The following TRMT44 variants were observed in gnomAD, a reference collection of about 807,000 sequenced individuals.
TRMT44 encodes the protein probable tRNA (uracil-O(2)-)-methyltransferase.
In TRMT44, 78 loss-of-function variants were observed where a neutral mutation model predicts 77.3. The observed-to-expected ratio is 1.01, with a 90% CI of 0.84 to 1.22. The LOEUF (loss-of-function observed/expected upper bound fraction) is 1.22. TRMT44 is among the 50% of genes most tolerant of loss of function. TRMT44 has a pLI of 0.00. For missense variants in TRMT44, 1,090 were observed against 964.4 expected (o/e 1.13, Z -1.73); for synonymous variants, 391 against 383.3 (o/e 1.02, Z -0.23).
chr4:8,515,936 G>A, the TRMT44 span, among the ~76,000 whole-genome samples: 6 of 152,140 alleles, frequency 3.9e-5, no homozygotes, highest in Non-Finnish European at 8.8e-5. Flanking sequence ...GGAAGAGCTC[G>A]CCAGGCTTTC....
chr4:8,482,959 G>T (rs993328148), intron 2 of TRMT44, among the ~76,000 whole-genome samples: 1 of 152,090 alleles, frequency 6.6e-6, no homozygotes, highest in African/African-American at 2.4e-5. Flanking sequence ...GGGCTGCTTC[G>T]AGTGGGATGA....
At chr4:8,445,488 C>T (rs937233239) in intron 1 of TRMT44, among the ~76,000 whole-genome samples, 1 of 152,224 alleles carries the variant, frequency 6.6e-6, no homozygotes, top group African/African-American at 2.4e-5. Context: ...CCTCCATTCC[C>T]CATGCACCTG....
chr4:8,458,768 TAAC>T (rs1269439293), intron 6 of TRMT44, among the ~76,000 whole-genome samples: 1 of 152,194 alleles, frequency 6.6e-6, no homozygotes, highest in Non-Finnish European at 1.5e-5. Flanking sequence ...ATTTTCTTAA[TAAC>T]ATTTTCTCTA....
chr4:8,506,875 C>T, the TRMT44 span: 1 of 152,578 alleles, frequency 6.6e-6, no homozygotes, highest in Admixed American at 6.5e-5. Flanking sequence ...GCTGCTGGCC[C>T]TCGGTCAGCC....
downstream of TRMT44, among the ~76,000 whole-genome samples, chr4:8,497,730 T>TACC (rs1434415516): frequency 1.3e-5 from 2 of 152,230 alleles, no homozygotes; most frequent in African/African-American, 4.8e-5. Flanking sequence ...AGCTGGTGTG[T>TACC]ACCTTAAAAT....
chr4:8,489,368 T>C (rs1727920705), intron 2 of TRMT44, among the ~76,000 whole-genome samples: 2 of 152,266 alleles, frequency 1.3e-5, no homozygotes, highest in Non-Finnish European at 2.9e-5. Flanking sequence ...GAAAGAGATC[T>C]GAGCTAACCC....
At chr4:8,441,482 A>G (rs930302342) in intron 1 of TRMT44, 41 bp downstream of exon 1, 4 of 1,444,538 alleles carry the variant, frequency 2.8e-6, no homozygotes, top group African/African-American at 2.8e-5. Context: ...ATTAGATAAA[A>G]AAGCATTCAT....
At chr4:8,507,788 C>A in the TRMT44 span, among the ~76,000 whole-genome samples, 1 of 152,210 alleles carries the variant, frequency 6.6e-6, no homozygotes, top group Admixed American at 6.5e-5. Flanking sequence ...CTCCTTCACC[C>A]CTGCCCCGTC....
In TRMT44 at chr4:8,441,430, T is replaced by A; in HGVS notation, c.608T>A (p.Ile203Lys). 6.6e-7 allele frequency: 1 copy of A among 1,515,430 alleles called. No individual in the cohort carries two copies. Among genetic ancestry groups the A allele is most frequent in the Non-Finnish European group, 8.8e-7 (1 of 1,132,156 alleles). The allele number at this position is 1,515,430 out of a possible 1,614,324, so 93.9% of individuals were successfully genotyped here. The stretch of plus-strand genomic sequence containing the variant: ...CCCCTTACAACTCCCAGGAGGGAAA[T>A]AGTCGTGCAAGGTAAGAGTGTTTTG... ...HCPLTTPRRE[I>K]VVQDVLNGTI... Residue 203 changes from isoleucine (I) to lysine (K), a missense_variant, in exon 1 of 11, where the codon ATA (isoleucine) becomes AAA (lysine). By Grantham distance (102) the Ile-to-Lys change is moderately radical. Transcript: ENST00000389737.
chr4:8,498,924 A>T, the TRMT44 span, among the ~76,000 whole-genome samples: 1 of 152,114 alleles, frequency 6.6e-6, no homozygotes, highest in Non-Finnish European at 1.5e-5. This position sits in a 1 kb window ranked among gnomAD's most constrained non-coding sequence, Gnocchi z 4.3. Context: ...TGCGTGGTCC[A>T]GTTGCCCAGA....
intron 6 of TRMT44, among the ~76,000 whole-genome samples, chr4:8,456,199 C>T (rs1444072579): frequency 6.6e-6 from 1 of 152,210 alleles, no homozygotes; most frequent in Non-Finnish European, 1.5e-5. Flanking sequence ...ACTGCTCGTT[C>T]CTACTGCAGT....
the TRMT44 span, chr4:8,508,745 C>T: frequency 6.6e-6 from 1 of 152,314 alleles, no homozygotes; most frequent in African/African-American, 2.4e-5. Context: ...GCTGATACAT[C>T]CCAAGGCTTT....
rs1018089343 is a variant in TRMT44, at chr4:8,451,965, G to A, written c.960G>A (p.Trp320Ter). 33 of 1,536,594 alleles carry A rather than the reference G, an allele frequency of 2.1e-5. No homozygotes were observed. The highest frequency in any genetic ancestry group is 2.7e-5 in the Non-Finnish European group (31 of 1,147,004). Residue 320 changes from tryptophan to a stop codon, truncating the protein, a stop_gained, in exon 4 of 11, where the codon TGG becomes TGA. Coordinates refer to ENST00000389737, the MANE Select transcript of TRMT44 (RefSeq NM_152544.3). LOFTEE classifies it high-confidence loss of function. The surrounding 1 kb of genome is among the most constrained non-coding windows in gnomAD (Gnocchi z 4.1). ...KEKYKEMVKVWPEVTDPEKFV... is the reference protein window; with the variant it reads ...KEKYKEMVKV The stretch of plus-strand genomic sequence containing the variant: ...TGCTCTTGAAACTGTTTTAGGTGTG[G>A]CCTGAAGTCACTGATCCTGAGAAGT...
Position 8,451,932 on chromosome 4 carries a change from T to C in TRMT44, c.955-28T>C, listed in dbSNP as rs1284385791. The C allele has an allele frequency of 1.3e-6, 2 of 1,535,342 alleles. No homozygotes were observed. The highest frequency in any genetic ancestry group is 2.0e-5 in the Admixed American group (1 of 50,978). On this transcript the variant is annotated intron_variant, in intron 3 of 10. Transcript: ENST00000389737. This position sits in a 1 kb window ranked among gnomAD's most constrained non-coding sequence, Gnocchi z 4.1. Reference sequence around the variant, plus strand: ...AAATGGTGGTGGGGAAACCGAACAATTTATGTTTGCTCTTGAAACTGTTTT... The same window carrying C: ...AAATGGTGGTGGGGAAACCGAACAACTTATGTTTGCTCTTGAAACTGTTTT...
At chr4:8,474,594 A>G (rs951678488) in intron 10 of TRMT44, among the ~76,000 whole-genome samples, 10 of 152,214 alleles carry the variant, frequency 6.6e-5, no homozygotes, top group African/African-American at 1.7e-4. Context: ...ACACAAGGTG[A>G]TTTGAAGGCA....
At chr4:8,504,755 C>T in the TRMT44 span, among the ~76,000 whole-genome samples, 6,811 of 152,238 alleles carry the variant, frequency 0.045, 502 homozygotes, top group African/African-American at 0.15. The surrounding 1 kb of genome is among the most constrained non-coding windows in gnomAD (Gnocchi z 5.3). Context: ...ACAACCCAGG[C>T]ACCCTGGCTG....
chr4:8,491,390 A>G (rs772819333), intron 2 of TRMT44, among the ~76,000 whole-genome samples: 5 of 152,258 alleles, frequency 3.3e-5, no homozygotes, highest in Admixed American at 6.5e-5. Context: ...GCTGCCTGCC[A>G]GTGCCACGCT....
chr4:8,446,607 G>T lies in TRMT44; in HGVS notation c.734+17G>T. 2 of 1,488,236 alleles carry T rather than the reference G, an allele frequency of 1.3e-6. No homozygotes were observed. The highest frequency in any genetic ancestry group is 2.4e-5 in the South Asian group (2 of 81,944). The allele number at this position is 1,488,236 out of a possible 1,614,324, so 92.2% of individuals were successfully genotyped here. A position where few individuals can be genotyped will look rare whatever the true frequency, so the allele number is the denominator to read the frequency against. On this transcript the variant is annotated intron_variant, in intron 2 of 10. Coordinates refer to ENST00000389737, the MANE Select transcript of TRMT44 (RefSeq NM_152544.3). The surrounding 1 kb of genome is among the most constrained non-coding windows in gnomAD (Gnocchi z 4.3). ...AGAAGAATGGTAAGAGCTGGACAGT[G>T]GACTCCTAGTTTTATGGTTTCCATT...
At chr4:8,515,072 C>T in the TRMT44 span, among the ~76,000 whole-genome samples, 7 of 152,166 alleles carry the variant, frequency 4.6e-5, no homozygotes, top group South Asian at 2.1e-4. Flanking sequence ...CTCAAGTGAT[C>T]GTCCTAACTC....
Sources: allele counts gnomAD v4.1 joint callset (sites outside exome capture counted in the v4.1 genomes callset), GRCh38; gene constraint gnomAD v4.1.1; non-coding constraint Gnocchi (gnomAD v3.1); transcripts MANE v1.5; gene names NCBI Gene and HGNC (gene_info 2026-07-23, HGNC 2026-07-21).